THSD7B: variants seen among roughly 807,000 people sequenced by gnomAD.
THSD7B encodes the protein thrombospondin type-1 domain-containing protein 7B.
Under a neutral mutation model 213.6 loss-of-function variants are expected in THSD7B, and 138 were observed. The observed-to-expected ratio is 0.65, with a 90% CI of 0.56 to 0.74. The LOEUF is 0.74. Ranked by LOEUF, THSD7B falls within the 30% of genes least tolerant of loss-of-function variation. The pLI is 0.00. For synonymous variants in THSD7B, 742 were observed against 687.0 expected, an observed-to-expected ratio of 1.08 and a Z score of -1.25; for missense variants, 1,931 against 1,991.5, an observed-to-expected ratio of 0.97 and a Z score of 0.58.
chr2:137,224,571 A>G (rs1558964843), intron 7 of THSD7B, among the ~76,000 whole-genome samples: 1 of 152,202 alleles, frequency 6.6e-6, no homozygotes, highest in Non-Finnish European at 1.5e-5. Flanking sequence ...GTGTTTACTG[A>G]TATTAATGCT....
chr2:137,508,849 G>A (rs1679897501), intron 15 of THSD7B, among the ~76,000 whole-genome samples: 1 of 152,062 alleles, frequency 6.6e-6, no homozygotes. Flanking sequence ...GGCCAGCAGT[G>A]TGGTCAGAGG....
At chr2:137,547,718 G>A (rs1044635685) in intron 15 of THSD7B, among the ~76,000 whole-genome samples, 8 of 151,972 alleles carry the variant, frequency 5.3e-5, no homozygotes, top group South Asian at 4.2e-4. Context: ...ATAGAATAAA[G>A]GCTGTTTTTG....
chr2:136,873,240 G>A (rs571326666), intron 1 of THSD7B, among the ~76,000 whole-genome samples: 1 of 152,154 alleles, frequency 6.6e-6, no homozygotes, highest in East Asian at 1.9e-4. Flanking sequence ...ATGACACCAA[G>A]CTATTGCAAT....
At chr2:137,457,774 G>A (rs1428023999) in intron 15 of THSD7B, among the ~76,000 whole-genome samples, 1 of 152,142 alleles carries the variant, frequency 6.6e-6, no homozygotes, top group African/African-American at 2.4e-5. Flanking sequence ...CTGACTGTAT[G>A]TGTGTAAATT....
intron 12 of THSD7B, among the ~76,000 whole-genome samples, chr2:137,383,440 C>T (rs1054525100): frequency 3.9e-5 from 6 of 152,124 alleles, no homozygotes; most frequent in Non-Finnish European, 4.4e-5. Flanking sequence ...ATGCATCAGA[C>T]CTGTGTGTCC....
chr2:136,898,386 T>C (rs79693021), intron 2 of THSD7B, among the ~76,000 whole-genome samples: 3,166 of 152,238 alleles, frequency 0.021, 60 homozygotes, highest in East Asian at 0.092. Context: ...ATAGACTGAG[T>C]GCAGTGAACT....
At chr2:137,168,642 A>G (rs1219660101) in intron 6 of THSD7B, among the ~76,000 whole-genome samples, 2 of 152,200 alleles carry the variant, frequency 1.3e-5, no homozygotes, top group Non-Finnish European at 2.9e-5. Context: ...TAAGCTCCAA[A>G]TAATAGGACA....
intron 12 of THSD7B, among the ~76,000 whole-genome samples, chr2:137,398,396 G>C (rs2104991786): frequency 6.7e-6 from 1 of 149,238 alleles, no homozygotes; most frequent in East Asian, 2.0e-4. Context: ...AGGACCCTCA[G>C]CTGCAGGTCT....
At chr2:137,609,248 C>T (rs1467554145) in intron 17 of THSD7B, among the ~76,000 whole-genome samples, 1 of 152,102 alleles carries the variant, frequency 6.6e-6, no homozygotes, top group Non-Finnish European at 1.5e-5. Context: ...AAAAAAAACA[C>T]ACCAGAAGCA....
intron 15 of THSD7B, among the ~76,000 whole-genome samples, chr2:137,546,084 T>C (rs1045684586): frequency 1.3e-5 from 2 of 151,156 alleles, no homozygotes; most frequent in African/African-American, 4.9e-5. Flanking sequence ...GGATTTCTAA[T>C]TCATATCTAT....
intron 1 of THSD7B, among the ~76,000 whole-genome samples, chr2:136,833,433 A>ATTT (rs56778387): frequency 0.16 from 18,108 of 111,818 alleles, 1,953 homozygotes; most frequent in Non-Finnish European, 0.22. Flanking sequence ...ATTATTTTCT[A>ATTT]TTTTTTTTTT....
At chr2:137,536,071 C>A (rs10180394) in intron 15 of THSD7B, among the ~76,000 whole-genome samples, 1 of 149,292 alleles carries the variant, frequency 6.7e-6, no homozygotes, top group African/African-American at 2.5e-5. Context: ...ACTCAAAACA[C>A]GGCAGGGCCC....
chr2:137,190,246 A>G (rs1008127609), intron 7 of THSD7B, among the ~76,000 whole-genome samples: 1 of 152,172 alleles, frequency 6.6e-6, no homozygotes, highest in African/African-American at 2.4e-5. Context: ...TGAAGACTAC[A>G]TGAGACAATG....
At chr2:137,368,434 AATTAT>A (rs1443337356) in intron 12 of THSD7B, among the ~76,000 whole-genome samples, 2 of 151,784 alleles carry the variant, frequency 1.3e-5, no homozygotes, top group East Asian at 1.9e-4. Context: ...GCCCTGTGAA[AATTAT>A]ATTATGAGTA....
intron 15 of THSD7B, among the ~76,000 whole-genome samples, chr2:137,484,070 G>T (rs1355066160): frequency 6.6e-6 from 1 of 151,494 alleles, no homozygotes; most frequent in Non-Finnish European, 1.5e-5. Flanking sequence ...TGCACAATGT[G>T]CAGGTTAGTT....
chr2:137,531,711 T>G (rs942529201), intron 15 of THSD7B, among the ~76,000 whole-genome samples: 12 of 152,028 alleles, frequency 7.9e-5, no homozygotes, highest in African/African-American at 2.7e-4. Context: ...TGCAGTTAAC[T>G]GCAAGGGCTA....
At chr2:136,832,585 A>C (rs1367961117) in intron 1 of THSD7B, among the ~76,000 whole-genome samples, 1 of 152,198 alleles carries the variant, frequency 6.6e-6, no homozygotes, top group Non-Finnish European at 1.5e-5. Flanking sequence ...CTGGGCACCC[A>C]ATCTCCCAGT....
At chr2:137,027,018 G>T (rs1686568932) in intron 2 of THSD7B, among the ~76,000 whole-genome samples, 1 of 152,158 alleles carries the variant, frequency 6.6e-6, no homozygotes, top group Non-Finnish European at 1.5e-5. Flanking sequence ...TCCCATTATT[G>T]CAGGCAGCAG....
intron 12 of THSD7B, among the ~76,000 whole-genome samples, chr2:137,376,585 T>A (rs1685661273): frequency 6.6e-6 from 1 of 152,202 alleles, no homozygotes; most frequent in African/African-American, 2.4e-5. Context: ...ATCATACACA[T>A]GCAGTGTGTG....
Sources: gnomAD v4.1 joint callset for allele counts (sites outside exome capture counted in the v4.1 genomes callset) on GRCh38, gnomAD v4.1.1 for gene constraint, MANE v1.5 for transcripts, NCBI Gene and HGNC (gene_info 2026-07-23, HGNC 2026-07-21) for gene names.